The following ATP11C variants were observed in gnomAD, a reference collection of about 807,000 sequenced individuals.
ATP11C encodes the protein ATPase phospholipid transporting 11C (ATP11C blood group).
Under a neutral mutation model 97.4 loss-of-function variants are expected in ATP11C, and 36 were observed. That is an observed-to-expected ratio of 0.37 (90% CI 0.28 to 0.49). The LOEUF (loss-of-function observed/expected upper bound fraction) is 0.49. ATP11C is among the 20% of genes least tolerant of loss of function. The probability of loss-of-function intolerance (pLI) is 0.98; values close to 1 mark genes in which losing one functional copy is unlikely to be tolerated. For synonymous variants in ATP11C, 275 were observed against 290.9 expected, an observed-to-expected ratio of 0.95 and a Z score of 0.56; for missense variants, 730 against 824.6, an observed-to-expected ratio of 0.89 and a Z score of 1.40.
chrX:139,814,321 A>G (rs2083238986), intron 5 of ATP11C, among the ~76,000 whole-genome samples: 1 of 111,439 alleles, frequency 9.0e-6, no homozygotes, highest in African/African-American at 3.3e-5. Context: ...CACTATGGAA[A>G]ATAGTTTAGT....
At chrX:139,873,693 C>T (rs1275187505) in intron 1 of ATP11C, among the ~76,000 whole-genome samples, 3 of 74,136 alleles carry the variant, frequency 4.0e-5, no homozygotes, top group Non-Finnish European at 6.9e-5. Context: ...GGTAACAGAG[C>T]GAGACTCCAA....
chrX:139,803,692 T>G (rs1191799196), intron 6 of ATP11C, among the ~76,000 whole-genome samples: 1 of 53,839 alleles, frequency 1.9e-5, no homozygotes, highest in African/African-American at 1.3e-4. Context: ...TATCTTTTTT[T>G]TTTTTTTTTT....
intron 1 of ATP11C, 118 bp downstream of exon 1, chrX:139,931,898 G>A (rs1021101608): frequency 9.1e-6 from 8 of 882,800 alleles, no homozygotes; most frequent in Admixed American, 6.8e-5. Context: ...GAAGAAGAGG[G>A]GTGGTGGTGT....
At chrX:139,891,385 C>T (rs919342004) in intron 1 of ATP11C, among the ~76,000 whole-genome samples, 1 of 111,225 alleles carries the variant, frequency 9.0e-6, no homozygotes, top group Non-Finnish European at 1.9e-5. Flanking sequence ...GTACCCCGAA[C>T]TTAAAATAAA....
intron 18 of ATP11C, among the ~76,000 whole-genome samples, chrX:139,775,333 G>T (rs1279475158): frequency 8.9e-6 from 1 of 112,181 alleles, no homozygotes; most frequent in African/African-American, 3.2e-5. Context: ...AAAGTATAAA[G>T]GTCCAAACAT....
At chrX:139,859,139 G>A (rs2084140860) in intron 1 of ATP11C, among the ~76,000 whole-genome samples, 1 of 111,924 alleles carries the variant, frequency 8.9e-6, no homozygotes, top group Non-Finnish European at 1.9e-5. Flanking sequence ...TAAAAAGGGA[G>A]CTTTCTAAAT....
At chrX:139,761,923 T>C (rs1267284680) in intron 22 of ATP11C, 38 bp downstream of exon 22, 1 of 1,036,201 alleles carries the variant, frequency 9.7e-7, no homozygotes, top group African/African-American at 1.9e-5. Flanking sequence ...CAATGCTGGA[T>C]TAAAAAGAAA....
chrX:139,872,255 G>A (rs1287400860), intron 1 of ATP11C, among the ~76,000 whole-genome samples: 1 of 77,511 alleles, frequency 1.3e-5, no homozygotes, highest in Non-Finnish European at 2.2e-5. Flanking sequence ...CTAGGTTCAG[G>A]ATTTTCCCAG....
At chrX:139,830,290 T>C (rs756408300) in intron 1 of ATP11C, among the ~76,000 whole-genome samples, 1 of 112,195 alleles carries the variant, frequency 8.9e-6, no homozygotes, top group South Asian at 3.7e-4. Flanking sequence ...TAAGAATTAC[T>C]GCCACAGACT....
chrX:139,925,981 G>A (rs1603420082), intron 1 of ATP11C, among the ~76,000 whole-genome samples: 1 of 111,945 alleles, frequency 8.9e-6, no homozygotes, highest in East Asian at 2.8e-4. Context: ...CCAATGTGTG[G>A]GCATAGGGCA....
intron 1 of ATP11C, among the ~76,000 whole-genome samples, chrX:139,854,600 A>G (rs904910213): frequency 2.6e-4 from 29 of 112,183 alleles, no homozygotes; most frequent in African/African-American, 9.4e-4. Flanking sequence ...GAAAGCCGTG[A>G]AAGAAAAAAA....
Position 139,750,013 on chromosome X carries a change from T to C in ATP11C, c.2828+12A>G. On this transcript the variant is annotated intron_variant, in intron 24 of 29. Coordinates refer to ENST00000682941, the MANE Select transcript of ATP11C (RefSeq NM_001353812.2). ...AAAGTCTTAGGGGGTTTTAACTATA[T>C]ATTTAACTTACATATACAATCGGGG... 8.4e-7 allele frequency: 1 copy of C among 1,191,104 alleles called. No homozygotes were observed. Among genetic ancestry groups the C allele is most frequent in the Non-Finnish European group, 1.1e-6 (1 of 881,305 alleles).
At chrX:139,834,314 T>C (rs1007220927) in intron 1 of ATP11C, among the ~76,000 whole-genome samples, 1 of 111,561 alleles carries the variant, frequency 9.0e-6, no homozygotes, top group Non-Finnish European at 1.9e-5. Flanking sequence ...ACCGTTAGTA[T>C]TTTGGAACTG....
intron 6 of ATP11C, 94 bp from the exon 7 acceptor site, chrX:139,802,433 T>A: frequency 2.0e-6 from 1 of 490,067 alleles, no homozygotes; most frequent in Non-Finnish European, 3.5e-6. Context: ...TAGTTTATGT[T>A]TTAGTAAGAG....
intron 1 of ATP11C, among the ~76,000 whole-genome samples, chrX:139,883,329 T>A (rs755358725): frequency 1.8e-5 from 2 of 109,685 alleles, no homozygotes; most frequent in South Asian, 8.0e-4. Context: ...ACCCTCTCCA[T>A]CAATCTAGAA....
intron 1 of ATP11C, among the ~76,000 whole-genome samples, chrX:139,909,116 TG>T: frequency 9.0e-6 from 1 of 111,361 alleles, no homozygotes; most frequent in East Asian, 2.8e-4. Context: ...ACACTGCTTT[TG>T]GGGTTTTTTT....
intron 28 of ATP11C, among the ~76,000 whole-genome samples, chrX:139,735,706 G>A (rs2081428586): frequency 9.0e-6 from 1 of 110,552 alleles, no homozygotes; most frequent in Admixed American, 9.6e-5. Flanking sequence ...AATAGCCATG[G>A]CTGCCATGTT....
intron 8 of ATP11C, among the ~76,000 whole-genome samples, 167 bp from the exon 9 acceptor site, chrX:139,798,910 GAA>G (rs956804980): frequency 4.5e-5 from 5 of 111,132 alleles, no homozygotes; most frequent in African/African-American, 1.6e-4. Flanking sequence ...CCTTCACTCT[GAA>G]GTTACTTGAG....
chrX:139,798,045 C>A (rs2082838884), intron 10 of ATP11C, among the ~76,000 whole-genome samples: 1 of 111,930 alleles, frequency 8.9e-6, no homozygotes, highest in Non-Finnish European at 1.9e-5. Context: ...ATTTCCTCAT[C>A]TGTAAAGTGG....
Sources: gnomAD v4.1 joint callset for allele counts (sites outside exome capture counted in the v4.1 genomes callset) on GRCh38, gnomAD v4.1.1 for gene constraint, MANE v1.5 for transcripts, NCBI Gene and HGNC (gene_info 2026-07-23, HGNC 2026-07-21) for gene names.